The following PHF21B variants were observed in gnomAD, a reference collection of about 807,000 sequenced individuals.
PHF21B encodes PHD finger protein 4.
A neutral mutation model predicts 62.2 loss-of-function variants in PHF21B; 22 were observed. The observed-to-expected ratio is 0.35, with a 90% CI of 0.25 to 0.51. The LOEUF is 0.51. PHF21B is among the 20% of genes least tolerant of loss of function. PHF21B has a pLI of 0.97. For synonymous variants in PHF21B, 341 were observed against 314.7 expected (o/e 1.08, Z -0.88); for missense variants, 701 against 707.9 (o/e 0.99, Z 0.11).
Position 44,984,373 on chromosome 22 carries a change from G to A in PHF21B, c.120+24172C>T, listed in dbSNP as rs981705972. On this transcript the variant is annotated intron_variant, in intron 2 of 12. Coordinates refer to ENST00000313237, the MANE Select transcript of PHF21B (RefSeq NM_138415.5). ...TCTTTCCATCTGGTCAGGTGGCCAG[G>A]GAAAAGGTTAACCTTACCCAGAGCC... Among the ~76,000 whole-genome samples, 9 of 152,014 alleles carry A rather than the reference G, an allele frequency of 5.9e-5. 1 individual carries two copies.
At chr22:44,944,183 A>G (rs941897694) in intron 2 of PHF21B, among the ~76,000 whole-genome samples, 1 of 152,210 alleles carries the variant, frequency 6.6e-6, no homozygotes, top group Non-Finnish European at 1.5e-5. Context: ...GCTTCCACCT[A>G]TGGCGTGTGT....
rs2071430159 is a variant in PHF21B, at chr22:44,916,277, C to T, written c.564+3G>A. On this transcript the variant is annotated splice_donor_region_variant and intron_variant, in intron 4 of 12. Coordinates refer to ENST00000313237, the MANE Select transcript of PHF21B (RefSeq NM_138415.5). Reference sequence around the variant, plus strand: ...TTTCCGGAGCCTGCTGGTGGGCACTCACCTTGTTGTCAGCACTGATGAGGA... The same window carrying T: ...TTTCCGGAGCCTGCTGGTGGGCACTTACCTTGTTGTCAGCACTGATGAGGA... The T allele has an allele frequency of 1.9e-6, 3 of 1,608,114 alleles. No individual in the cohort carries two copies. In the South Asian group the frequency reaches 3.3e-5, roughly 18 times the overall value.
At chr22:44,889,804 G>A (rs762132505) in intron 8 of PHF21B, 22 bp from the exon 9 acceptor site, 5 of 1,548,148 alleles carry the variant, frequency 3.2e-6, no homozygotes, top group African/African-American at 2.8e-5. Flanking sequence ...AAGAAGGGCG[G>A]AGAACACGTT....
chr22:44,939,257 C>A (rs2071908655), intron 2 of PHF21B, among the ~76,000 whole-genome samples: 1 of 152,196 alleles, frequency 6.6e-6, no homozygotes, highest in Non-Finnish European at 1.5e-5. Flanking sequence ...GACGCTCCTT[C>A]ACCCACGGCT....
At chr22:44,933,778 CAT>C (rs1330868622) in intron 2 of PHF21B, among the ~76,000 whole-genome samples, 1 of 152,112 alleles carries the variant, frequency 6.6e-6, no homozygotes, top group African/African-American at 2.4e-5. Flanking sequence ...GAGACAGACA[CAT>C]GACTGCCCCA....
Position 45,008,777 on chromosome 22 carries a change from C to T in PHF21B, c.55-167G>A, listed in dbSNP as rs1305201224. 3.5e-6 allele frequency: 4 copies of T among 1,154,456 alleles called. No individual in the cohort carries two copies. In the Admixed American group the frequency reaches 1.9e-4, roughly 55 times the overall value. The allele number at this position is 1,154,456 out of a possible 1,614,324, so 71.5% of individuals were successfully genotyped here. ...TGCACGCGCGGCGGCCGGGCAGTGC[C>T]GCGCGGGGCCGCTTACCTGTGGCTG... On this transcript the variant is annotated intron_variant, in intron 1 of 12. Transcript: ENST00000313237.
chr22:44,914,121 A>C, intron 4 of PHF21B, 33 bp from the exon 5 acceptor site: 70 of 400,088 alleles, frequency 1.7e-4, no homozygotes, highest in East Asian at 2.4e-4. Context: ...ACAGGGAGGA[A>C]GGGAAGAGTG....
chr22:44,949,642 C>T (rs879606920), intron 2 of PHF21B, among the ~76,000 whole-genome samples: 1 of 152,178 alleles, frequency 6.6e-6, no homozygotes, highest in Admixed American at 6.5e-5. Flanking sequence ...TAAAAGAAAT[C>T]TCTGGAGCAG....
chr22:44,887,156 C>CAAAAA (rs565346064), intron 10 of PHF21B, among the ~76,000 whole-genome samples: 6 of 65,032 alleles, frequency 9.2e-5, no homozygotes, highest in African/African-American at 1.8e-4. Context: ...AACTCCATCT[C>CAAAAA]AAAAAAAAAA....
At chr22:44,915,997 C>T (rs1569225505) in intron 4 of PHF21B, among the ~76,000 whole-genome samples, 1 of 152,212 alleles carries the variant, frequency 6.6e-6, no homozygotes, top group Non-Finnish European at 1.5e-5. Flanking sequence ...TGACCAATCA[C>T]TCCTTTTCCA....
intron 5 of PHF21B, chr22:44,902,022 T>A (rs2071168614): frequency 4.3e-6 from 1 of 230,646 alleles, no homozygotes. Context: ...TGGGACCTTC[T>A]GATCATCCTC....
At chr22:44,895,688 G>A (rs1569212354) in intron 6 of PHF21B, among the ~76,000 whole-genome samples, 2 of 152,186 alleles carry the variant, frequency 1.3e-5, no homozygotes, top group African/African-American at 2.4e-5. Flanking sequence ...TTGAGAGCAG[G>A]GAGCCCACAC....
chr22:44,982,379 C>A (rs192611690), intron 2 of PHF21B, among the ~76,000 whole-genome samples: 1 of 152,338 alleles, frequency 6.6e-6, no homozygotes, highest in Admixed American at 6.5e-5. Context: ...CTTGCCATCA[C>A]CTACGTGCAA....
At chr22:44,889,586 C>A (rs184984218) in intron 9 of PHF21B, among the ~76,000 whole-genome samples, 174 bp downstream of exon 9, 1 of 152,190 alleles carries the variant, frequency 6.6e-6, no homozygotes, top group Non-Finnish European at 1.5e-5. Flanking sequence ...GCTGCCTGGC[C>A]GGCTGGAAAG....
chr22:44,948,441 G>A (rs574309005), intron 2 of PHF21B, among the ~76,000 whole-genome samples: 5 of 152,162 alleles, frequency 3.3e-5, no homozygotes, highest in African/African-American at 1.2e-4. Flanking sequence ...CGGCACTCTG[G>A]GAGGCCGAGG....
chr22:44,944,263 G>C (rs1003500983), intron 2 of PHF21B, among the ~76,000 whole-genome samples: 1 of 152,322 alleles, frequency 6.6e-6, no homozygotes, highest in Middle Eastern at 3.4e-3. Context: ...CCTTTCAAGG[G>C]AATTCGGGGA....
intron 5 of PHF21B, among the ~76,000 whole-genome samples, chr22:44,913,044 G>C (rs1195472785): frequency 1.3e-5 from 2 of 152,150 alleles, no homozygotes; most frequent in Admixed American, 1.3e-4. Context: ...GTTCAGCAAA[G>C]GACGGCCCTG....
chr22:44,968,549 C>G (rs577206729), intron 2 of PHF21B, among the ~76,000 whole-genome samples: 8 of 147,840 alleles, frequency 5.4e-5, no homozygotes, highest in African/African-American at 2.0e-4. Context: ...GAGGCTGAGG[C>G]AGAAGAATTG....
At chr22:44,928,171 A>G (rs2071670167) in intron 2 of PHF21B, among the ~76,000 whole-genome samples, 1 of 152,108 alleles carries the variant, frequency 6.6e-6, no homozygotes, top group Non-Finnish European at 1.5e-5. Context: ...TGGCTTTGAC[A>G]TCAGCTGTGC....
Sources: gnomAD v4.1 joint callset for allele counts (sites outside exome capture counted in the v4.1 genomes callset) on GRCh38, gnomAD v4.1.1 for gene constraint, MANE v1.5 for transcripts, NCBI Gene and HGNC (gene_info 2026-07-23, HGNC 2026-07-21) for gene names.